The following MRPS6 variants were observed in gnomAD, a reference collection of about 807,000 sequenced individuals.
MRPS6 encodes small ribosomal subunit protein bS6m.
In MRPS6, 6 loss-of-function variants were observed where a neutral mutation model predicts 13.1. The observed-to-expected ratio is 0.46, with a 90% CI of 0.25 to 0.91. The LOEUF (loss-of-function observed/expected upper bound fraction) is 0.91. Among genes scored for constraint, MRPS6 ranks in the 40% least tolerant of loss-of-function variants. The probability of loss-of-function intolerance (pLI) is 0.18; values close to 1 mark genes in which losing one functional copy is unlikely to be tolerated. For synonymous variants in MRPS6, 61 were observed against 56.5 expected, an observed-to-expected ratio of 1.08 and a Z score of -0.36; for missense variants, 164 against 155.6, an observed-to-expected ratio of 1.05 and a Z score of -0.29.
At chr21:34,078,911 C>G (rs1030026696) in intron 1 of MRPS6, among the ~76,000 whole-genome samples, 1 of 152,094 alleles carries the variant, frequency 6.6e-6, no homozygotes, top group Non-Finnish European at 1.5e-5. Flanking sequence ...TAGTGGAAGG[C>G]AATATTTTTA....
intron 2 of MRPS6, chr21:34,135,767 A>G: frequency 4.1e-6 from 2 of 482,598 alleles, no homozygotes; most frequent in South Asian, 1.9e-5. Context: ...TGGAAGGCAT[A>G]CTTGATGATG....
chr21:34,093,720 C>G (rs950605597), intron 1 of MRPS6, among the ~76,000 whole-genome samples: 3 of 152,174 alleles, frequency 2.0e-5, no homozygotes, highest in African/African-American at 2.4e-5. Context: ...GCTGCAATTA[C>G]AATTAACTGA....
chr21:34,131,121 G>A (rs574232931), intron 2 of MRPS6, among the ~76,000 whole-genome samples: 39 of 152,314 alleles, frequency 2.6e-4, no homozygotes, highest in African/African-American at 9.4e-4. Flanking sequence ...ATCACCAAGA[G>A]TAGAAGTGGA....
In MRPS6 at chr21:34,096,288, C is replaced by T. The variant is rs181200062; in HGVS notation, c.45+22543C>T. On this transcript the variant is annotated intron_variant, in intron 1 of 2. Transcript: ENST00000399312. The surrounding 1 kb of genome is among the most constrained non-coding windows in gnomAD (Gnocchi z 5.9). ...GATGAAGCTGGTTCCTGTGGGCCTT[C>T]GGGGTTTAATGATGGCAGTGATGAT... 1.9e-6 allele frequency: 3 copies of T among 1,614,066 alleles called. No homozygotes were observed. Among genetic ancestry groups the T allele is most frequent in the Non-Finnish European group, 2.5e-6 (3 of 1,179,988 alleles).
intron 1 of MRPS6, among the ~76,000 whole-genome samples, chr21:34,110,082 A>G (rs373648466): frequency 6.6e-6 from 1 of 152,140 alleles, no homozygotes; most frequent in African/African-American, 2.4e-5. Flanking sequence ...CATGTTGCCT[A>G]CCAGAAGCAC....
rs1979635163 is a variant in MRPS6 at position 34,110,006 on chromosome 21, C to G, written c.46-15335C>G. On this transcript the variant is annotated intron_variant, in intron 1 of 2. Transcript: ENST00000399312. ...GCTTGCCTGGAAATTCTGGTACTCA[C>G]CCTTTAACCTTTTGAAGGTTGAAAT... Among the ~76,000 whole-genome samples the G allele has an allele frequency of 2.0e-5, 3 of 152,180 alleles. No individual in the cohort carries two copies. In the South Asian group the frequency reaches 6.2e-4, roughly 32 times the overall value.
At position 34,142,499 on chromosome 21, in the gene MRPS6, A is replaced by AT. The variant is rs1980940419; in HGVS notation, c.279dup (p.Val94CysfsTer13). 6.2e-7 allele frequency: 1 copy of AT among 1,613,436 alleles called. No individual in the cohort carries two copies. Among genetic ancestry groups the AT allele is most frequent in the African/African-American group, 1.3e-5 (1 of 74,904 alleles). Reference sequence around the variant, plus strand: ...AGATATAGATGTGATTAGAGGGAATATTGTCAAACACCCTCTGACCCAGGA... The same window carrying AT: ...AGATATAGATGTGATTAGAGGGAATATTTGTCAAACACCCTCTGACCCAGGA... On this transcript the variant is annotated frameshift_variant, in exon 3 of 3. Transcript: ENST00000399312. LOFTEE classifies it high-confidence loss of function.
chr21:34,090,407 T>C (rs1343226672), intron 1 of MRPS6, among the ~76,000 whole-genome samples: 1 of 152,260 alleles, frequency 6.6e-6, no homozygotes, highest in Non-Finnish European at 1.5e-5. Context: ...ATGTAAAGTC[T>C]TAAGAATTTT....
chr21:34,095,079 C>T, intron 1 of MRPS6: 2 of 1,272,348 alleles, frequency 1.6e-6, no homozygotes, highest in Non-Finnish European at 2.2e-6. Context: ...TTTGACCCTG[C>T]TGTGTTGCTC....
At chr21:34,095,213 G>A in intron 1 of MRPS6, 1 of 1,610,506 alleles carries the variant, frequency 6.2e-7, no homozygotes, top group Non-Finnish European at 8.5e-7. Flanking sequence ...GAGCTGTACT[G>A]GACACAGCAG....
intron 1 of MRPS6, among the ~76,000 whole-genome samples, chr21:34,119,000 G>A (rs1487298790): frequency 6.6e-6 from 1 of 152,140 alleles, no homozygotes; most frequent in Non-Finnish European, 1.5e-5. Flanking sequence ...ATTTGAACAT[G>A]TACTTAGGCA....
chr21:34,089,248 C>T (rs1054767644), intron 1 of MRPS6, among the ~76,000 whole-genome samples: 1 of 152,020 alleles, frequency 6.6e-6, no homozygotes, highest in Admixed American at 6.6e-5. Context: ...GAACTCCTGG[C>T]CTCAAGTGAT....
At chr21:34,110,277 A>C (rs1979643655) in intron 1 of MRPS6, among the ~76,000 whole-genome samples, 1 of 152,164 alleles carries the variant, frequency 6.6e-6, no homozygotes, top group Admixed American at 6.5e-5. Flanking sequence ...CAGCTTGGGC[A>C]ACATAACGAA....
At chr21:34,116,511 A>G (rs761443371) in intron 1 of MRPS6, among the ~76,000 whole-genome samples, 2 of 151,952 alleles carry the variant, frequency 1.3e-5, no homozygotes, top group Non-Finnish European at 2.9e-5. Context: ...TTCATTCACT[A>G]TCCTAATAAC....
chr21:34,096,220 G>A lies in MRPS6; in HGVS notation c.45+22475G>A. The A allele has an allele frequency of 6.2e-7, 1 of 1,614,192 alleles. No homozygotes were observed. The highest frequency in any genetic ancestry group is 8.5e-7 in the Non-Finnish European group (1 of 1,180,018). On this transcript the variant is annotated intron_variant, in intron 1 of 2. Coordinates refer to ENST00000399312, the MANE Select transcript of MRPS6 (RefSeq NM_032476.4). The surrounding 1 kb of genome is among the most constrained non-coding windows in gnomAD (Gnocchi z 5.9). ...CCAGAGCACTGCATGCTGGTGTGTG[G>A]AAGCAGAGCTGGTTGCTCCAATATT... is the stretch of plus-strand genomic sequence containing the variant.
intron 1 of MRPS6, chr21:34,097,119 G>C (rs1209616997): frequency 1.2e-6 from 2 of 1,614,004 alleles, no homozygotes; most frequent in Admixed American, 1.7e-5. Flanking sequence ...TCTCATGGGT[G>C]AGAAAGAGAG....
At chr21:34,098,214 A>G in intron 1 of MRPS6, 2 of 999,304 alleles carry the variant, frequency 2.0e-6, no homozygotes, top group Non-Finnish European at 2.4e-6. Flanking sequence ...AACTTATGCT[A>G]ATCAGATGAT....
chr21:34,097,487 TC>T lies in MRPS6; in HGVS notation c.45+23743del, dbSNP rs1402559752. 3 of 1,438,508 alleles carry T rather than the reference TC, an allele frequency of 2.1e-6. No individual in the cohort carries two copies. The African/African-American group carries it at 4.3e-5, about 21-fold the overall frequency. 89.1% of individuals were successfully genotyped at this position (1,438,508 alleles called of 1,614,324 possible). A position where few individuals can be genotyped will look rare whatever the true frequency, so the allele number is the denominator to read the frequency against. ...TAGCCAAATTTTACTTAGCAGAAAA[TC>T]ATCTAATTACAAGACTTTATTTTCC... is the stretch of plus-strand genomic sequence containing the variant. On this transcript the variant is annotated intron_variant, in intron 1 of 2. Coordinates refer to ENST00000399312, the MANE Select transcript of MRPS6 (RefSeq NM_032476.4).
At chr21:34,086,311 C>A (rs887717272) in intron 1 of MRPS6, among the ~76,000 whole-genome samples, 1 of 152,070 alleles carries the variant, frequency 6.6e-6, no homozygotes, top group Non-Finnish European at 1.5e-5. Flanking sequence ...AAGATTAATT[C>A]TTGGTGTGGG....
Sources: allele counts gnomAD v4.1 joint callset (sites outside exome capture counted in the v4.1 genomes callset), GRCh38; gene constraint gnomAD v4.1.1; non-coding constraint Gnocchi (gnomAD v3.1); transcripts MANE v1.5; gene names NCBI Gene and HGNC (gene_info 2026-07-23, HGNC 2026-07-21).